The following NCKAP5 variants were observed in gnomAD, a reference collection of about 807,000 sequenced individuals.
NCKAP5 encodes NCK associated protein 5.
In NCKAP5, 92 loss-of-function variants were observed where a neutral mutation model predicts 167.0. The ratio of observed to expected loss-of-function variants is 0.55; its 90% CI spans 0.47 to 0.66. NCKAP5 has a LOEUF of 0.66. Among genes scored for constraint, NCKAP5 ranks in the 30% least tolerant of loss-of-function variants. NCKAP5 has a pLI of 0.00. For synonymous variants in NCKAP5, 891 were observed against 877.4 expected, an observed-to-expected ratio of 1.02 and a Z score of -0.27; for missense variants, 2,378 against 2,315.0, an observed-to-expected ratio of 1.03 and a Z score of -0.56.
chr2:132,918,695 A>G (rs1248071876), intron 8 of NCKAP5, among the ~76,000 whole-genome samples: 1 of 152,248 alleles, frequency 6.6e-6, no homozygotes, highest in Admixed American at 6.5e-5. Flanking sequence ...AACAAAAAAG[A>G]CAATAAAACA....
rs867365266 is a variant in NCKAP5, at chr2:133,567,569, G to T, written c.-130+647C>A. 7.2e-5 allele frequency among the ~76,000 whole-genome samples: 11 copies of T among 152,162 alleles called. No homozygotes were observed. In the Middle Eastern group the frequency reaches 0.014, roughly 188 times the overall value. On this transcript the variant is annotated intron_variant, in intron 1 of 19. Coordinates refer to ENST00000409261, the MANE Select transcript of NCKAP5 (RefSeq NM_207363.3). ...AGTCAGAACATTGAACATTTCTCCA[G>T]ATACTCAATGTGAAAAGAATCCAAA...
intron 15 of NCKAP5, among the ~76,000 whole-genome samples, chr2:132,777,751 T>G (rs1682673528): frequency 6.6e-6 from 1 of 152,176 alleles, no homozygotes; most frequent in Admixed American, 6.5e-5. Context: ...CTTAATAAGA[T>G]GATAACAATT....
intron 3 of NCKAP5, among the ~76,000 whole-genome samples, chr2:133,449,535 G>T (rs6712629): frequency 0.14 from 21,340 of 152,154 alleles, 1,748 homozygotes; most frequent in African/African-American, 0.22. Flanking sequence ...GAAATAGTTG[G>T]ACTTTTGGGT....
At chr2:133,248,126 A>G (rs764388800) in intron 4 of NCKAP5, among the ~76,000 whole-genome samples, 3 of 152,190 alleles carry the variant, frequency 2.0e-5, no homozygotes, top group Non-Finnish European at 2.9e-5. Flanking sequence ...GTCCATGTGC[A>G]GTTGCTTTCA....
chr2:133,515,840 A>G (rs1683939973), intron 3 of NCKAP5, among the ~76,000 whole-genome samples: 1 of 152,230 alleles, frequency 6.6e-6, no homozygotes, highest in Non-Finnish European at 1.5e-5. Flanking sequence ...CTTCGCAGCT[A>G]TCTGGGCTCT....
chr2:132,782,657 T>C lies in NCKAP5; in HGVS notation c.4154A>G (p.Lys1385Arg). 1 of 1,611,654 alleles carries C rather than the reference T, an allele frequency of 6.2e-7. No individual in the cohort carries two copies. The highest frequency in any genetic ancestry group is 8.5e-7 in the Non-Finnish European group (1 of 1,178,774). The change falls in exon 14 of 20, where the codon AAG (lysine) becomes AGG (arginine). Residue 1385 changes from lysine to arginine, a missense_variant. Lys to Arg is a conservative substitution (Grantham distance 26, BLOSUM62 2). Coordinates refer to ENST00000409261, the MANE Select transcript of NCKAP5 (RefSeq NM_207363.3). ...CTGGGTGAAGGCCTGCTGGTCTTCC[T>C]TTCCAGGTGGGATGAGGAGTCCCTC... ...KSEGLLIPPGKEDQQAFTQGE... is the reference protein window; with the variant it reads ...KSEGLLIPPGREDQQAFTQGE...
intron 6 of NCKAP5, among the ~76,000 whole-genome samples, chr2:133,019,281 G>C (rs547124623): frequency 6.6e-6 from 1 of 152,260 alleles, no homozygotes; most frequent in African/African-American, 2.4e-5. Context: ...TCACTGGGGA[G>C]TTTATCAGAT....
chr2:133,294,974 C>T (rs1375071368), intron 4 of NCKAP5, among the ~76,000 whole-genome samples: 5 of 152,270 alleles, frequency 3.3e-5, no homozygotes, highest in South Asian at 2.1e-4. Flanking sequence ...TCAGTTCCCC[C>T]GCCTTGGGAA....
At position 133,517,494 on chromosome 2, in the gene NCKAP5, G is replaced by T; in HGVS notation, c.33C>A (p.Asp11Glu). 1.3e-6 allele frequency: 2 copies of T among 1,537,902 alleles called. No individual in the cohort carries two copies. Among genetic ancestry groups the T allele is most frequent in the Non-Finnish European group, 1.8e-6 (2 of 1,138,648 alleles). The change falls in exon 3 of 20, where the codon GAC (aspartate) becomes GAA (glutamate). Residue 11 changes from aspartate (D) to glutamate (E), a missense_variant. By Grantham distance (45) the Asp-to-Glu change is conservative. Transcript: ENST00000409261. ...TGTCTAGAGACAGCCTTTTTCCAAA[G>T]TCCCTTTTCTCAAGCTGTCTCTTTC... MEGKRQLEKRDFGKRLSLDSS... is the reference protein window; with the variant it reads MEGKRQLEKREFGKRLSLDSS...
chr2:133,226,549 T>C (rs2086899265), intron 4 of NCKAP5, among the ~76,000 whole-genome samples: 1 of 150,654 alleles, frequency 6.6e-6, no homozygotes, highest in Non-Finnish European at 1.5e-5. Flanking sequence ...GTCACTAGAA[T>C]GGGTCCTAAT....
chr2:133,563,687 G>C, intron 1 of NCKAP5, among the ~76,000 whole-genome samples: 1 of 151,314 alleles, frequency 6.6e-6, no homozygotes, highest in South Asian at 2.1e-4. Flanking sequence ...AATGTGAATT[G>C]CCAGTTTGAA....
intron 6 of NCKAP5, among the ~76,000 whole-genome samples, chr2:133,054,196 G>C (rs1303299122): frequency 1.3e-5 from 2 of 152,196 alleles, no homozygotes; most frequent in African/African-American, 4.8e-5. Flanking sequence ...TGTTTACCCA[G>C]AAACTCAATT....
intron 3 of NCKAP5, among the ~76,000 whole-genome samples, chr2:133,380,247 G>A (rs1686424948): frequency 6.6e-6 from 1 of 152,226 alleles, no homozygotes; most frequent in East Asian, 1.9e-4. Flanking sequence ...AATCTAAAAG[G>A]TAGAGTTTGG....
At chr2:133,238,022 G>T (rs992484061) in intron 4 of NCKAP5, among the ~76,000 whole-genome samples, 1 of 152,110 alleles carries the variant, frequency 6.6e-6, no homozygotes, top group African/African-American at 2.4e-5. Flanking sequence ...CCACCACTGT[G>T]GCCAATGAAA....
chr2:132,935,981 T>C (rs1285824256), intron 8 of NCKAP5, among the ~76,000 whole-genome samples: 2 of 117,928 alleles, frequency 1.7e-5, no homozygotes, highest in South Asian at 4.6e-4. Flanking sequence ...ATTTTTTTTC[T>C]TTTTTTTTTT....
chr2:133,636,817 G>A, the NCKAP5 span, among the ~76,000 whole-genome samples: 1 of 152,120 alleles, frequency 6.6e-6, no homozygotes, highest in Non-Finnish European at 1.5e-5. Flanking sequence ...GGTGCAGAAT[G>A]GAACTTAGAT....
chr2:133,288,578 T>A (rs1172460491), intron 4 of NCKAP5, among the ~76,000 whole-genome samples: 2 of 152,082 alleles, frequency 1.3e-5, no homozygotes, highest in African/African-American at 4.8e-5. Flanking sequence ...AACTTTTTTT[T>A]TTTTTGCAGC....
At chr2:133,393,198 A>T (rs1158331119) in intron 3 of NCKAP5, among the ~76,000 whole-genome samples, 5 of 152,342 alleles carry the variant, frequency 3.3e-5, no homozygotes, top group Non-Finnish European at 7.3e-5. Context: ...TTATTTTATC[A>T]GAGATTCAAG....
chr2:133,352,798 C>T (rs1021571243), intron 3 of NCKAP5, among the ~76,000 whole-genome samples: 7 of 152,240 alleles, frequency 4.6e-5, no homozygotes, highest in Non-Finnish European at 8.8e-5. Flanking sequence ...AGAAATCCCA[C>T]TGGCCTGAGG....
Sources: gnomAD v4.1 joint callset for allele counts (sites outside exome capture counted in the v4.1 genomes callset) on GRCh38, gnomAD v4.1.1 for gene constraint, MANE v1.5 for transcripts, NCBI Gene and HGNC (gene_info 2026-07-23, HGNC 2026-07-21) for gene names.